SCRN1: variants seen among roughly 807,000 people sequenced by gnomAD.
SCRN1 encodes the protein secernin-1.
In SCRN1, 19 loss-of-function variants were observed where a neutral mutation model predicts 43.3. That is an observed-to-expected ratio of 0.44 (90% CI 0.31 to 0.64). The LOEUF (loss-of-function observed/expected upper bound fraction) is 0.64. Among genes scored for constraint, SCRN1 ranks in the 30% least tolerant of loss-of-function variants. SCRN1 has a pLI of 0.09. For missense variants in SCRN1, 447 were observed against 524.1 expected, an observed-to-expected ratio of 0.85 and a Z score of 1.44; for synonymous variants, 183 against 188.9, an observed-to-expected ratio of 0.97 and a Z score of 0.26.
intron 1 of SCRN1, among the ~76,000 whole-genome samples, chr7:29,984,240 TCCCCAATTCA>T (rs1294229819): frequency 6.8e-6 from 1 of 147,374 alleles, no homozygotes; most frequent in Non-Finnish European, 1.5e-5. Flanking sequence ...TCTGTTGAGA[TCCCCAATTCA>T]CTCCTAAGCC....
rs80321101 is a variant in SCRN1 at position 29,952,298 on chromosome 7, T to C, written c.341+2881A>G. On this transcript the variant is annotated intron_variant, in intron 3 of 7. Coordinates refer to ENST00000242059, the MANE Select transcript of SCRN1 (RefSeq NM_014766.5). ...TCACCAGCCATACTTTGAGAACCACTACTCTAGAACTTGCCACTCAAACTG... is the reference window on the plus strand; with the variant it reads ...TCACCAGCCATACTTTGAGAACCACCACTCTAGAACTTGCCACTCAAACTG... Among the ~76,000 whole-genome samples, 293 of 152,370 alleles carry C rather than the reference T, an allele frequency of 1.9e-3. 1 individual carries two copies. Among genetic ancestry groups the C allele is most frequent in the Non-Finnish European group, 3.6e-3 (244 of 68,036 alleles).
chr7:29,960,754 A>G (rs987707298), intron 2 of SCRN1, among the ~76,000 whole-genome samples: 1 of 152,124 alleles, frequency 6.6e-6, no homozygotes, highest in African/African-American at 2.4e-5. Context: ...TAATCCAGGA[A>G]GTTATTCCTC....
At chr7:29,985,989 C>T (rs1269301943) in intron 1 of SCRN1, among the ~76,000 whole-genome samples, 5 of 152,358 alleles carry the variant, frequency 3.3e-5, no homozygotes, top group African/African-American at 1.2e-4. Flanking sequence ...AATCCCAGCA[C>T]TTTGGGAGGC....
intron 6 of SCRN1, among the ~76,000 whole-genome samples, chr7:29,929,146 T>A (rs1194631776): frequency 6.6e-6 from 1 of 152,176 alleles, no homozygotes; most frequent in African/African-American, 2.4e-5. Context: ...ATCAGCCTCT[T>A]TCACTGGCAC....
intron 1 of SCRN1, chr7:29,988,854 A>G (rs1789253763): frequency 6.6e-6 from 1 of 152,382 alleles, no homozygotes; most frequent in South Asian, 2.1e-4. Context: ...GTTCTCGCCA[A>G]TTCTCTAAAG....
chr7:29,989,615 C>A, intron 1 of SCRN1, 27 bp downstream of exon 1: 1 of 985,612 alleles, frequency 1.0e-6, no homozygotes, highest in Non-Finnish European at 1.2e-6. Context: ...GCGCTGCAAA[C>A]GCCCTGCGCT....
At chr7:29,984,150 G>A (rs1339116043) in intron 1 of SCRN1, among the ~76,000 whole-genome samples, 2 of 143,498 alleles carry the variant, frequency 1.4e-5, no homozygotes, top group African/African-American at 5.2e-5. Context: ...AGCTTGCAAT[G>A]AGCCAAGATT....
rs1788446016 is a variant in SCRN1, at chr7:29,965,082, C to A, written c.159+3827G>T. ...AGGGGCTGTTTGGGAACTCTCTGTG[C>A]CTTCTGTTCATTTTTCTGTAAACAT... On this transcript the variant is annotated intron_variant, in intron 2 of 7. Coordinates refer to ENST00000242059, the MANE Select transcript of SCRN1 (RefSeq NM_014766.5). The surrounding 1 kb of genome is among the most constrained non-coding windows in gnomAD (Gnocchi z 4.2). Among the ~76,000 whole-genome samples, 1 of 151,984 alleles carries A rather than the reference C, an allele frequency of 6.6e-6. No homozygotes were observed. The highest frequency in any genetic ancestry group is 2.4e-5 in the African/African-American group (1 of 41,356).
At chr7:29,947,441 T>C in intron 3 of SCRN1, 1 of 1,286,560 alleles carries the variant, frequency 7.8e-7, no homozygotes, top group Admixed American at 2.8e-5. Flanking sequence ...TCCTTTTCTA[T>C]CTCAAATCAG....
chr7:29,974,821 T>C (rs1788763871), intron 1 of SCRN1, among the ~76,000 whole-genome samples: 1 of 151,890 alleles, frequency 6.6e-6, no homozygotes, highest in Non-Finnish European at 1.5e-5. Flanking sequence ...GTAGCTGGGA[T>C]TACAGGCGCA....
At position 29,965,204 on chromosome 7, in the gene SCRN1, T is replaced by C. The variant is rs1583685358; in HGVS notation, c.159+3705A>G. On this transcript the variant is annotated intron_variant, in intron 2 of 7. Coordinates refer to ENST00000242059, the MANE Select transcript of SCRN1 (RefSeq NM_014766.5). This position sits in a 1 kb window ranked among gnomAD's most constrained non-coding sequence, Gnocchi z 4.2. ...GAGCAGGGTGCCAGTTGGGAAGAGT[T>C]CTGAATGGCATACAAATCAGCTTGG... Among the ~76,000 whole-genome samples, 1 of 152,250 alleles carries C rather than the reference T, an allele frequency of 6.6e-6. No homozygotes were observed. Among genetic ancestry groups the C allele is most frequent in the Non-Finnish European group, 1.5e-5 (1 of 68,004 alleles).
At chr7:29,969,188 C>T in intron 1 of SCRN1, 120 bp from the exon 2 acceptor site, 1 of 1,208,450 alleles carries the variant, frequency 8.3e-7, no homozygotes, top group Non-Finnish European at 1.1e-6. Context: ...GCACAGCTAG[C>T]TCATTAAGAG....
intron 1 of SCRN1, among the ~76,000 whole-genome samples, chr7:29,970,338 T>G (rs961928565): frequency 6.6e-6 from 1 of 152,144 alleles, no homozygotes; most frequent in Admixed American, 6.6e-5. Flanking sequence ...CCTCTGCACA[T>G]GCTCCATCCT....
intron 6 of SCRN1, among the ~76,000 whole-genome samples, chr7:29,931,472 C>G (rs1352025677): frequency 1.9e-4 from 29 of 152,238 alleles, no homozygotes; most frequent in Admixed American, 1.9e-3. Flanking sequence ...CACATTCCTA[C>G]TAAGTGGCAG....
rs371050417 is a variant in SCRN1, at chr7:29,936,612, C to A, written c.849G>T (p.Pro283=). The A allele has an allele frequency of 8.7e-6, 14 of 1,606,168 alleles. No homozygotes were observed. The highest frequency in any genetic ancestry group is 2.2e-5 in the East Asian group (1 of 44,680). The change falls in exon 6 of 8, where the codon CCG becomes CCT. Residue 283 remains proline, a synonymous_variant. Coordinates refer to ENST00000242059, the MANE Select transcript of SCRN1 (RefSeq NM_014766.5). ...GAATGCACGGAGAGCTTCTATTCTG[C>A]GGCAGGACAGACACTCCACTGGCTG... ...LTTASGVSVL[P]QNRSSPCIHY...
intron 7 of SCRN1, among the ~76,000 whole-genome samples, chr7:29,924,412 C>A (rs28737403): frequency 0.28 from 42,899 of 152,114 alleles, 6,247 homozygotes; most frequent in Middle Eastern, 0.32. Context: ...CATCTCCCCA[C>A]TCCTCAGCTG....
chr7:29,968,144 T>G (rs1009092330), intron 2 of SCRN1, among the ~76,000 whole-genome samples: 3 of 152,204 alleles, frequency 2.0e-5, no homozygotes, highest in Non-Finnish European at 4.4e-5. Flanking sequence ...ATATATAAAC[T>G]GAGACCAGAC....
intron 4 of SCRN1, 82 bp from the exon 5 acceptor site, chr7:29,940,958 T>C (rs1787524253): frequency 8.3e-7 from 1 of 1,205,454 alleles, no homozygotes; most frequent in East Asian, 2.8e-5. Context: ...AGGGAATCCT[T>C]TTCCTGAAAC....
chr7:29,930,103 A>G (rs1277938175), intron 6 of SCRN1, among the ~76,000 whole-genome samples: 1 of 152,250 alleles, frequency 6.6e-6, no homozygotes, highest in African/African-American at 2.4e-5. Flanking sequence ...AGTATACTCA[A>G]CTAATAAAAA....
Sources: gnomAD v4.1 joint callset for allele counts (sites outside exome capture counted in the v4.1 genomes callset) on GRCh38, gnomAD v4.1.1 for gene constraint, Gnocchi (gnomAD v3.1) non-coding constraint, MANE v1.5 for transcripts, NCBI Gene and HGNC (gene_info 2026-07-23, HGNC 2026-07-21) for gene names.